The following SLC37A1 variants were observed in gnomAD, a reference collection of about 807,000 sequenced individuals.
SLC37A1 encodes the protein glucose-6-phosphate exchanger SLC37A1.
SLC37A1 carries 49 observed loss-of-function variants against 75.3 expected under a neutral mutation model. That is an observed-to-expected ratio of 0.65 (90% CI 0.52 to 0.83). The LOEUF is 0.83. Ranked by LOEUF, SLC37A1 falls within the 40% of genes least tolerant of loss-of-function variation. The probability of loss-of-function intolerance (pLI) is 0.00; values close to 1 mark genes in which losing one functional copy is unlikely to be tolerated. For missense variants in SLC37A1, 566 were observed against 695.0 expected, an observed-to-expected ratio of 0.81 and a Z score of 2.09; for synonymous variants, 268 against 292.1, an observed-to-expected ratio of 0.92 and a Z score of 0.84.
chr21:42,524,112 T>G (rs1489860619), intron 2 of SLC37A1, among the ~76,000 whole-genome samples: 3 of 152,098 alleles, frequency 2.0e-5, no homozygotes, highest in Non-Finnish European at 2.9e-5. Context: ...TTGTCCTGTG[T>G]AGGACGCCGC....
chr21:42,562,335 A>C (rs2055851283), intron 12 of SLC37A1, among the ~76,000 whole-genome samples, 167 bp downstream of exon 12: 1 of 152,248 alleles, frequency 6.6e-6, no homozygotes, highest in Non-Finnish European at 1.5e-5. Flanking sequence ...AAAAGAATTC[A>C]GATATGCACA....
rs1480127629 is a variant in SLC37A1, at chr21:42,552,467, C to G, written c.769-1595C>G. Among the ~76,000 whole-genome samples, 1 of 152,214 alleles carries G rather than the reference C, an allele frequency of 6.6e-6. No individual in the cohort carries two copies. Among genetic ancestry groups the G allele is most frequent in the Non-Finnish European group, 1.5e-5 (1 of 68,038 alleles). ...TGTCAGGGACACAGACTCCTCTTGTCTTTTCGTTCTTCCCCTGTGCATGGC... is the reference window on the plus strand; with the variant it reads ...TGTCAGGGACACAGACTCCTCTTGTGTTTTCGTTCTTCCCCTGTGCATGGC... On this transcript the variant is annotated intron_variant, in intron 9 of 19. Transcript: ENST00000352133. This position sits in a 1 kb window ranked among gnomAD's most constrained non-coding sequence, Gnocchi z 4.2.
intron 6 of SLC37A1, 112 bp from the exon 7 acceptor site, chr21:42,542,292 G>T: frequency 1.4e-6 from 1 of 739,146 alleles, no homozygotes; most frequent in Non-Finnish European, 2.2e-6. Context: ...GTCCATCTCT[G>T]GCTGTCGTGC....
intron 3 of SLC37A1, among the ~76,000 whole-genome samples, chr21:42,533,255 G>T (rs2055040107): frequency 6.6e-6 from 1 of 152,092 alleles, no homozygotes; most frequent in African/African-American, 2.4e-5. Context: ...TGGTATCACG[G>T]GCACTGAATG....
rs1008315424 is a variant in SLC37A1 at position 42,554,210 on chromosome 21, G to A, written c.849+68G>A. The stretch of plus-strand genomic sequence containing the variant: ...CAGGAAAACTCCTTTGAGCCACGTC[G>A]GCTCTCTGTCCCTCTGCCTATGTGA... On this transcript the variant is annotated intron_variant, in intron 10 of 19. Transcript: ENST00000352133. 11 of 1,402,798 alleles carry A rather than the reference G, an allele frequency of 7.8e-6. No homozygotes were observed. In the South Asian group the frequency reaches 9.6e-5, roughly 12 times the overall value. The allele number at this position is 1,402,798 out of a possible 1,614,324, so 86.9% of individuals were successfully genotyped here.
chr21:42,528,368 G>C (rs565200785), intron 3 of SLC37A1, among the ~76,000 whole-genome samples: 1 of 152,302 alleles, frequency 6.6e-6, no homozygotes, highest in South Asian at 2.1e-4. Context: ...TCCCAGCAGA[G>C]ATCTTAGTGC....
chr21:42,542,361 C>G (rs1359413321), intron 6 of SLC37A1, 43 bp from the exon 7 acceptor site: 1 of 1,589,398 alleles, frequency 6.3e-7, no homozygotes, highest in Admixed American at 1.7e-5. Flanking sequence ...CTGTCCCGGG[C>G]CTGCTTCCCA....
chr21:42,565,430 G>T (rs976682703), intron 14 of SLC37A1, among the ~76,000 whole-genome samples: 2 of 152,282 alleles, frequency 1.3e-5, no homozygotes, highest in African/African-American at 4.8e-5. Flanking sequence ...ATGAAAGAAT[G>T]CTGAGTGAAG....
chr21:42,526,513 C>T (rs2054797392), intron 3 of SLC37A1, among the ~76,000 whole-genome samples: 1 of 152,186 alleles, frequency 6.6e-6, no homozygotes, highest in Non-Finnish European at 1.5e-5. Context: ...AGCCCAGTGG[C>T]CCCTCGCTCA....
rs1391209901 is a variant in SLC37A1, at chr21:42,552,511, T to C, written c.769-1551T>C. On this transcript the variant is annotated intron_variant, in intron 9 of 19. Transcript: ENST00000352133. This position sits in a 1 kb window ranked among gnomAD's most constrained non-coding sequence, Gnocchi z 4.2. ...GCATGGCTTCATGCCAAAGGTGATA[T>C]ATTCCAACCAATTAGAACAGTGCCA... 6.6e-6 allele frequency among the ~76,000 whole-genome samples: 1 copy of C among 152,256 alleles called. No individual in the cohort carries two copies. Among genetic ancestry groups the C allele is most frequent in the Non-Finnish European group, 1.5e-5 (1 of 68,042 alleles).
chr21:42,505,623 G>A (rs1423945261), intron 2 of SLC37A1, among the ~76,000 whole-genome samples: 1 of 152,172 alleles, frequency 6.6e-6, no homozygotes, highest in Non-Finnish European at 1.5e-5. Flanking sequence ...GCCCCCAGCA[G>A]GTAGGGAGCC....
intron 2 of SLC37A1, among the ~76,000 whole-genome samples, chr21:42,524,744 G>T (rs1421025617): frequency 6.6e-6 from 1 of 152,158 alleles, no homozygotes; most frequent in Non-Finnish European, 1.5e-5. Flanking sequence ...TTAAATAGAT[G>T]AATGCTTTTG....
rs536678064 is a variant in SLC37A1 at position 42,545,836 on chromosome 21, A to G, written c.731-1267A>G. On this transcript the variant is annotated intron_variant, in intron 8 of 19. Coordinates refer to ENST00000352133, the MANE Select transcript of SLC37A1 (RefSeq NM_001320537.2). This position sits in a 1 kb window ranked among gnomAD's most constrained non-coding sequence, Gnocchi z 4.0. Reference sequence around the variant, plus strand: ...TGTCCTTGGTCAGTGGCCTCGCCCTATGGGCTGTGCCCAGGACAGGAGGGC... The same window carrying G: ...TGTCCTTGGTCAGTGGCCTCGCCCTGTGGGCTGTGCCCAGGACAGGAGGGC... Among the ~76,000 whole-genome samples, 3 of 152,366 alleles carry G rather than the reference A, an allele frequency of 2.0e-5. No individual in the cohort carries two copies. Among genetic ancestry groups the G allele is most frequent in the East Asian group, 1.9e-4 (1 of 5,188 alleles).
intron 10 of SLC37A1, among the ~76,000 whole-genome samples, chr21:42,554,982 G>GGTTTTTTTTTTTTTTTTTTTTTTT (rs368777229): frequency 8.6e-6 from 1 of 116,598 alleles, no homozygotes; most frequent in Non-Finnish European, 1.8e-5. Flanking sequence ...TTGGTTGGTT[G>GGTTTTTTTTTTTTTTTTTTTTTTT]TTTTTTTTTT....
At chr21:42,575,138 G>A in intron 18 of SLC37A1, 2 of 985,480 alleles carry the variant, frequency 2.0e-6, no homozygotes, top group Non-Finnish European at 2.4e-6. Context: ...GGGCGGGATA[G>A]CACAAAGGCC....
rs1416312906 is a variant in SLC37A1 at position 42,514,033 on chromosome 21, CGCCCTCAGGGAGCCGGGCGCGGG to C, written c.-857_-835del. 13 of 149,358 alleles carry C rather than the reference CGCCCTCAGGGAGCCGGGCGCGGG, an allele frequency of 8.7e-5. No individual in the cohort carries two copies. Among genetic ancestry groups the C allele is most frequent in the African/African-American group, 2.4e-4 (10 of 40,944 alleles). The allele number at this position is 149,358 out of a possible 1,614,324, so 9.3% of individuals were successfully genotyped here. A position where few individuals can be genotyped will look rare whatever the true frequency, so the allele number is the denominator to read the frequency against. On this transcript the variant is annotated 5_prime_UTR_variant, in exon 1 of 20. Coordinates refer to ENST00000352133, the MANE Select transcript of SLC37A1 (RefSeq NM_001320537.2). The surrounding 1 kb of genome is among the most constrained non-coding windows in gnomAD (Gnocchi z 4.8). ...CGCCGCAGCCGCTCAGCACCTGCGG[CGCCCTCAGGGAGCCGGGCGCGGG>C]GCCCTGCGCACTCGGAGCTCGGCTC...
Position 42,547,279 on chromosome 21 carries a change from T to A in SLC37A1, c.768+139T>A. The A allele has an allele frequency of 1.1e-6, 1 of 896,578 alleles. No homozygotes were observed. Among genetic ancestry groups the A allele is most frequent in the Non-Finnish European group, 1.8e-6 (1 of 558,010 alleles). 55.5% of individuals were successfully genotyped at this position (896,578 alleles called of 1,614,324 possible). On this transcript the variant is annotated intron_variant, in intron 9 of 19. Transcript: ENST00000352133. This position sits in a 1 kb window ranked among gnomAD's most constrained non-coding sequence, Gnocchi z 6.1. ...CCCACCCTCAAAACATTGGCAGTTC[T>A]AGGAATAGAGAATATTCTGTTTTGG...
chr21:42,554,426 G>A (rs996702610), intron 10 of SLC37A1, among the ~76,000 whole-genome samples: 1 of 152,244 alleles, frequency 6.6e-6, no homozygotes, highest in African/African-American at 2.4e-5. Context: ...TAGACGGAAC[G>A]CAGGCAGAGA....
chr21:42,507,055 T>C (rs2054389936), intron 2 of SLC37A1, among the ~76,000 whole-genome samples: 1 of 152,124 alleles, frequency 6.6e-6, no homozygotes, highest in African/African-American at 2.4e-5. Context: ...GCTAATTTTT[T>C]GTATTTCAGT....
Sources: allele counts gnomAD v4.1 joint callset (sites outside exome capture counted in the v4.1 genomes callset), GRCh38; gene constraint gnomAD v4.1.1; non-coding constraint Gnocchi (gnomAD v3.1); transcripts MANE v1.5; gene names NCBI Gene and HGNC (gene_info 2026-07-23, HGNC 2026-07-21).